The following ACTR2 variants were observed in gnomAD, a reference collection of about 807,000 sequenced individuals.
The protein encoded by ACTR2 is actin related protein 2.
In ACTR2, 5 loss-of-function variants were observed where a neutral mutation model predicts 50.2. The ratio of observed to expected loss-of-function variants is 0.10; its 90% CI spans 0.05 to 0.21. ACTR2 has a LOEUF of 0.21. Among genes scored for constraint, ACTR2 ranks in the 10% least tolerant of loss-of-function variants. The pLI, the probability that ACTR2 is intolerant of heterozygous loss-of-function variation, is 1.00. For synonymous variants in ACTR2, 140 were observed against 162.9 expected, an observed-to-expected ratio of 0.86 and a Z score of 1.07; for missense variants, 180 against 480.6, an observed-to-expected ratio of 0.37 and a Z score of 5.85.
chr2:65,245,183 T>C (rs1671913112), intron 2 of ACTR2, among the ~76,000 whole-genome samples: 1 of 152,132 alleles, frequency 6.6e-6, no homozygotes, highest in Admixed American at 6.6e-5. Context: ...TTTTCTTTTT[T>C]TTTTAATTTA....
chr2:65,245,799 T>C (rs1462110955), intron 2 of ACTR2, among the ~76,000 whole-genome samples: 1 of 152,214 alleles, frequency 6.6e-6, no homozygotes, highest in Non-Finnish European at 1.5e-5. Flanking sequence ...GTGAGTATTA[T>C]GCTTCATGTG....
At chr2:65,240,135 T>C (rs565360146) in intron 2 of ACTR2, among the ~76,000 whole-genome samples, 173 bp downstream of exon 2, 12 of 152,194 alleles carry the variant, frequency 7.9e-5, no homozygotes, top group Admixed American at 2.6e-4. Flanking sequence ...GGCACAAAAA[T>C]TGAAGTTAAT....
Position 65,269,286 on chromosome 2 carries a change from A to C in ACTR2, c.*552A>C, listed in dbSNP as rs2104029615. On this transcript the variant is annotated 3_prime_UTR_variant, in exon 9 of 9. Transcript: ENST00000260641. ...AGGGAAATGTTAGGTTCAGAACTAA[A>C]GTGTTTTGGGTGGGTTTTGTTGCGG... The C allele has an allele frequency of 7.0e-6, 1 of 141,994 alleles. No homozygotes were observed. Among genetic ancestry groups the C allele is most frequent in the East Asian group, 2.1e-4 (1 of 4,784 alleles). 8.8% of individuals were successfully genotyped at this position (141,994 alleles called of 1,614,324 possible).
At chr2:65,263,821 C>T (rs972792171) in intron 7 of ACTR2, among the ~76,000 whole-genome samples, 26 of 72,338 alleles carry the variant, frequency 3.6e-4, no homozygotes, top group African/African-American at 1.2e-3. Flanking sequence ...CGGTGAATCA[C>T]GAGGCCGGCG....
rs1672462650 is a variant in ACTR2 at position 65,270,072 on chromosome 2, G to A, written c.*1338G>A. The A allele has an allele frequency of 6.6e-6, 1 of 151,974 alleles. No individual in the cohort carries two copies. The highest frequency in any genetic ancestry group is 6.6e-5 in the Admixed American group (1 of 15,264). 9.4% of individuals were successfully genotyped at this position (151,974 alleles called of 1,614,324 possible). ...TTATGAATCCTGTCGGTATTCCTTG[G>A]TATCTGAAAAAAATACCAAATAGTA... On this transcript the variant is annotated 3_prime_UTR_variant, in exon 9 of 9. Coordinates refer to ENST00000260641, the MANE Select transcript of ACTR2 (RefSeq NM_005722.4).
At chr2:65,268,528 C>CA in intron 8 of ACTR2, 36 bp from the exon 9 acceptor site, 2 of 1,589,466 alleles carry the variant, frequency 1.3e-6, no homozygotes, top group Non-Finnish European at 1.7e-6. Context: ...GCACTGTGCA[C>CA]ATGTACCATT....
Position 65,243,045 on chromosome 2 carries a change from C to T in ACTR2, c.159+3083C>T, listed in dbSNP as rs112788876. Among the ~76,000 whole-genome samples, 1,419 of 152,154 alleles carry T rather than the reference C, an allele frequency of 9.3e-3. 34 individuals carry two copies. Among genetic ancestry groups the T allele is most frequent in the African/African-American group, 0.032 (1,316 of 41,518 alleles). ...CCTGTACTCCCAGCACTTTGGGAGGCCCAGGCGGGTGGATCACGAGGTCAC... is the reference window on the plus strand; with the variant it reads ...CCTGTACTCCCAGCACTTTGGGAGGTCCAGGCGGGTGGATCACGAGGTCAC... On this transcript the variant is annotated intron_variant, in intron 2 of 8. Transcript: ENST00000260641.
chr2:65,245,294 T>C (rs1372248749), intron 2 of ACTR2, among the ~76,000 whole-genome samples: 2 of 151,736 alleles, frequency 1.3e-5, no homozygotes, highest in African/African-American at 4.8e-5. Flanking sequence ...CCGAGATGGG[T>C]GAATTACTTG....
In ACTR2 at chr2:65,269,052, C is replaced by T. The variant is rs1047564133; in HGVS notation, c.*318C>T. 1.4e-5 allele frequency: 3 copies of T among 219,254 alleles called. No individual in the cohort carries two copies. Among genetic ancestry groups the T allele is most frequent in the Non-Finnish European group, 2.7e-5 (3 of 110,916 alleles). 13.6% of individuals were successfully genotyped at this position (219,254 alleles called of 1,614,324 possible). ...ACTTTACTGCTCTAATGCTGCTAGT[C>T]GTAGTCTTTAGCACACTAGGTGGTA... On this transcript the variant is annotated 3_prime_UTR_variant, in exon 9 of 9. Transcript: ENST00000260641.
intron 1 of ACTR2, among the ~76,000 whole-genome samples, chr2:65,236,200 G>A (rs1382579640): frequency 6.6e-6 from 1 of 152,080 alleles, no homozygotes; most frequent in African/African-American, 2.4e-5. Flanking sequence ...TTAGCTGGGC[G>A]TGGTGGCAGG....
At chr2:65,231,078 A>G (rs1671629297) in intron 1 of ACTR2, among the ~76,000 whole-genome samples, 1 of 151,744 alleles carries the variant, frequency 6.6e-6, no homozygotes, top group Admixed American at 6.6e-5. Flanking sequence ...TGATTGTAGT[A>G]TGTTATTGAT....
chr2:65,258,285 A>G (rs1336257042), intron 6 of ACTR2, among the ~76,000 whole-genome samples: 1 of 152,120 alleles, frequency 6.6e-6, no homozygotes, highest in South Asian at 2.1e-4. Flanking sequence ...ACAAAAATAT[A>G]TACAAATAGG....
chr2:65,251,643 G>A (rs976711009), intron 4 of ACTR2, among the ~76,000 whole-genome samples: 15 of 152,188 alleles, frequency 9.9e-5, no homozygotes, highest in Non-Finnish European at 2.9e-5. Flanking sequence ...TTACAGGCAT[G>A]AGTCACCGTG....
In ACTR2 at chr2:65,270,544, G is replaced by A. The variant is rs1248535857; in HGVS notation, c.*1810G>A. ...TTGAGAACGGGGCTTGTTAAAGGAC[G>A]CGTATGTAGGGCCCGTACCTACTGG... On this transcript the variant is annotated 3_prime_UTR_variant, in exon 9 of 9. Coordinates refer to ENST00000260641, the MANE Select transcript of ACTR2 (RefSeq NM_005722.4). 1.3e-5 allele frequency: 2 copies of A among 152,508 alleles called. No individual in the cohort carries two copies. The highest frequency in any genetic ancestry group is 2.4e-5 in the African/African-American group (1 of 41,404). The allele number at this position is 152,508 out of a possible 1,614,324, so 9.4% of individuals were successfully genotyped here.
chr2:65,239,289 T>C (rs1671797582), intron 1 of ACTR2, among the ~76,000 whole-genome samples: 1 of 152,134 alleles, frequency 6.6e-6, no homozygotes, highest in Non-Finnish European at 1.5e-5. Context: ...ACCCCGTCTC[T>C]ACTAAAAATA....
intron 6 of ACTR2, among the ~76,000 whole-genome samples, chr2:65,257,624 T>A (rs1480544444): frequency 1.3e-5 from 2 of 152,242 alleles, no homozygotes; most frequent in African/African-American, 4.8e-5. Flanking sequence ...GTTTCCTGAC[T>A]TTTTAAGGAT....
intron 1 of ACTR2, among the ~76,000 whole-genome samples, chr2:65,235,736 C>T (rs549931474): frequency 2.0e-5 from 3 of 152,208 alleles, no homozygotes; most frequent in Admixed American, 2.0e-4. Context: ...GCCTGGATGA[C>T]CGAGTGAGAC....
intron 1 of ACTR2, among the ~76,000 whole-genome samples, chr2:65,238,549 C>T (rs1029684978): frequency 2.0e-5 from 3 of 150,902 alleles, no homozygotes; most frequent in African/African-American, 7.3e-5. Context: ...GTCTCAGCTA[C>T]TCGGGATGCT....
chr2:65,230,663 G>C (rs1291693183), intron 1 of ACTR2, among the ~76,000 whole-genome samples: 2 of 151,796 alleles, frequency 1.3e-5, no homozygotes, highest in African/African-American at 2.4e-5. Context: ...TGCCCACTGC[G>C]GCCTCCTAAA....
Sources: allele counts gnomAD v4.1 joint callset (sites outside exome capture counted in the v4.1 genomes callset), GRCh38; gene constraint gnomAD v4.1.1; transcripts MANE v1.5; gene names NCBI Gene and HGNC (gene_info 2026-07-23, HGNC 2026-07-21).